NXPE2: variants seen among roughly 807,000 people sequenced by gnomAD.
NXPE2 encodes the protein NXPE family member 2.
Under a neutral mutation model 34.4 loss-of-function variants are expected in NXPE2, and 34 were observed. The observed-to-expected ratio is 0.99, with a 90% CI of 0.75 to 1.31. NXPE2 has a LOEUF of 1.31. Ranked by LOEUF, NXPE2 falls within the 40% of genes most tolerant of loss-of-function variation. NXPE2 has a pLI of 0.00. For missense variants in NXPE2, 649 were observed against 672.5 expected, an observed-to-expected ratio of 0.97 and a Z score of 0.39; for synonymous variants, 235 against 231.3, an observed-to-expected ratio of 1.02 and a Z score of -0.15.
chr11:114,692,383 G>A (rs182473662), intron 2 of NXPE2, among the ~76,000 whole-genome samples: 11 of 152,210 alleles, frequency 7.2e-5, no homozygotes, highest in Admixed American at 7.2e-4. Context: ...TTCATCCTTG[G>A]AACTGTGCAG....
At chr11:114,667,845 C>T in the NXPE2 span, among the ~76,000 whole-genome samples, 2 of 152,088 alleles carry the variant, frequency 1.3e-5, no homozygotes, top group Non-Finnish European at 2.9e-5. Flanking sequence ...GATCTTGAGG[C>T]AGAACCACCC....
At chr11:114,804,090 G>A in the NXPE2 span, among the ~76,000 whole-genome samples, 12 of 152,336 alleles carry the variant, frequency 7.9e-5, no homozygotes, top group East Asian at 2.3e-3. Context: ...TCAACAGGCT[G>A]TCCCTGCAAT....
At chr11:114,617,517 T>A in the NXPE2 span, among the ~76,000 whole-genome samples, 1 of 152,232 alleles carries the variant, frequency 6.6e-6, no homozygotes, top group Admixed American at 6.5e-5. Flanking sequence ...CGGTGGATAA[T>A]ACGTGTTGCC....
the NXPE2 span, among the ~76,000 whole-genome samples, chr11:114,624,293 AC>A: frequency 2.6e-5 from 4 of 152,018 alleles, no homozygotes; most frequent in Non-Finnish European, 4.4e-5. Context: ...AACCACTGTT[AC>A]CCGGTGGATA....
At chr11:114,763,958 C>T in the NXPE2 span, among the ~76,000 whole-genome samples, 1 of 151,954 alleles carries the variant, frequency 6.6e-6, no homozygotes. Flanking sequence ...ATGCTATGCA[C>T]CATTCATCTT....
the NXPE2 span, among the ~76,000 whole-genome samples, chr11:114,514,999 C>T: frequency 3.3e-5 from 5 of 152,086 alleles, no homozygotes; most frequent in East Asian, 9.6e-4. Flanking sequence ...CCTTCACCAA[C>T]TTTTTTTATT....
chr11:114,741,386 C>T, the NXPE2 span, among the ~76,000 whole-genome samples: 243 of 152,184 alleles, frequency 1.6e-3, 2 homozygotes, highest in African/African-American at 5.4e-3. Context: ...GAGTTTTCAG[C>T]CATTACTACT....
the NXPE2 span, among the ~76,000 whole-genome samples, chr11:114,638,809 G>A: frequency 6.6e-6 from 1 of 151,996 alleles, no homozygotes; most frequent in Non-Finnish European, 1.5e-5. Context: ...GCTGCTGTCT[G>A]ATTGTTCCTC....
At chr11:114,681,450 T>G (rs1010657673) in intron 2 of NXPE2, among the ~76,000 whole-genome samples, 5 of 152,210 alleles carry the variant, frequency 3.3e-5, no homozygotes, top group Non-Finnish European at 5.9e-5. Flanking sequence ...TTTATTGGAC[T>G]CATTTAAATA....
the NXPE2 span, among the ~76,000 whole-genome samples, chr11:114,587,478 T>C: frequency 1.3e-5 from 2 of 152,202 alleles, no homozygotes; most frequent in Non-Finnish European, 2.9e-5. Flanking sequence ...ATCCATCTAT[T>C]GGAGAGTCAT....
At chr11:114,770,547 G>A in the NXPE2 span, among the ~76,000 whole-genome samples, 5,552 of 152,318 alleles carry the variant, frequency 0.036, 348 homozygotes, top group African/African-American at 0.13. Context: ...GCAGAAAGCC[G>A]CATAAATAGA....
the NXPE2 span, among the ~76,000 whole-genome samples, chr11:114,574,363 C>A: frequency 3.3e-5 from 5 of 151,514 alleles, no homozygotes; most frequent in African/African-American, 1.2e-4. Context: ...AAGATCAGAG[C>A]AGAAGTAAAT....
chr11:114,755,271 T>C, the NXPE2 span, among the ~76,000 whole-genome samples: 3,053 of 152,300 alleles, frequency 0.02, 101 homozygotes, highest in African/African-American at 0.07. Flanking sequence ...GGGGATGTAC[T>C]AAGGCCACTC....
chr11:114,652,201 C>A, the NXPE2 span, among the ~76,000 whole-genome samples: 1 of 152,134 alleles, frequency 6.6e-6, no homozygotes, highest in Non-Finnish European at 1.5e-5. Context: ...CTGAGAGGGG[C>A]TCTGAGACCT....
At chr11:114,722,976 G>A in the NXPE2 span, among the ~76,000 whole-genome samples, 1 of 152,132 alleles carries the variant, frequency 6.6e-6, no homozygotes, top group Non-Finnish European at 1.5e-5. Context: ...TGAGAAAAAA[G>A]GAACTTGCAG....
the NXPE2 span, among the ~76,000 whole-genome samples, chr11:114,749,372 A>C: frequency 6.6e-6 from 1 of 152,200 alleles, no homozygotes; most frequent in Non-Finnish European, 1.5e-5. Context: ...AACTGATTCC[A>C]GGACCCATCA....
chr11:114,630,559 C>T, the NXPE2 span, among the ~76,000 whole-genome samples: 5 of 151,548 alleles, frequency 3.3e-5, no homozygotes, highest in African/African-American at 1.2e-4. Flanking sequence ...AGACCTAAAA[C>T]CATAAAAACC....
At chr11:114,469,396 A>C in the NXPE2 span, among the ~76,000 whole-genome samples, 3 of 151,460 alleles carry the variant, frequency 2.0e-5, no homozygotes, top group African/African-American at 7.3e-5. Flanking sequence ...TACAGGTGTG[A>C]GCCACCGCGC....
the NXPE2 span, among the ~76,000 whole-genome samples, chr11:114,654,882 T>C: frequency 8.7e-3 from 1,327 of 152,320 alleles, 20 homozygotes; most frequent in African/African-American, 0.031. Context: ...TCTAGATCCT[T>C]GAGGAATCGC....
Sources: allele counts gnomAD v4.1 joint callset (sites outside exome capture counted in the v4.1 genomes callset), GRCh38; gene constraint gnomAD v4.1.1; transcripts MANE v1.5; gene names NCBI Gene and HGNC (gene_info 2026-07-23, HGNC 2026-07-21).